USP7: variants seen among roughly 807,000 people sequenced by gnomAD.
USP7 encodes ubiquitin C-terminal hydrolase 7.
USP7 carries 9 observed loss-of-function variants against 162.9 expected under a neutral mutation model. That is an observed-to-expected ratio of 0.06 (90% CI 0.03 to 0.10). The LOEUF is 0.10. USP7 is among the 10% of genes least tolerant of loss of function. The pLI is 1.00. For synonymous variants in USP7, 562 were observed against 475.9 expected (o/e 1.18, Z -2.35); for missense variants, 715 against 1,373.7 (o/e 0.52, Z 7.58).
chr16:8,902,578 T>C lies in USP7; in HGVS notation c.1840-96A>G, dbSNP rs933370571. The stretch of plus-strand genomic sequence containing the variant: ...ATATGTATATACATATACATATATA[T>C]ATATAGTCAATGTTAAGACTGTGAT... On this transcript the variant is annotated intron_variant, in intron 16 of 30. Transcript: ENST00000344836. 1.6e-5 allele frequency: 16 copies of C among 993,194 alleles called. No homozygotes were observed. In the East Asian group the frequency reaches 2.1e-4, roughly 13 times the overall value. The allele number at this position is 993,194 out of a possible 1,614,324, so 61.5% of individuals were successfully genotyped here.
intron 25 of USP7, 37 bp from the exon 26 acceptor site, chr16:8,897,136 A>C (rs1292141811): frequency 6.7e-7 from 1 of 1,496,202 alleles, no homozygotes; most frequent in African/African-American, 1.4e-5. Flanking sequence ...GCTTTCAAGA[A>C]AGCATAAAAG....
At chr16:8,920,524 C>T in intron 4 of USP7, 77 bp from the exon 5 acceptor site, 3 of 1,239,036 alleles carry the variant, frequency 2.4e-6, no homozygotes, top group South Asian at 1.4e-5. Flanking sequence ...TACATTAGTG[C>T]CCTGTACTTA....
intron 1 of USP7, among the ~76,000 whole-genome samples, chr16:8,941,016 CT>C (rs1899021939): frequency 6.6e-6 from 1 of 152,214 alleles, no homozygotes; most frequent in Non-Finnish European, 1.5e-5. Context: ...TCGTCCAGCA[CT>C]CAGGGACTCA....
chr16:8,914,648 G>A (rs748064888), intron 10 of USP7, among the ~76,000 whole-genome samples: 3 of 152,180 alleles, frequency 2.0e-5, no homozygotes, highest in Non-Finnish European at 2.9e-5. Context: ...GGCTGGACAT[G>A]GCAGCTCATG....
intron 12 of USP7, among the ~76,000 whole-genome samples, chr16:8,907,229 A>ATGTC (rs2061874528): frequency 6.6e-6 from 1 of 152,238 alleles, no homozygotes; most frequent in Admixed American, 6.5e-5. Context: ...AATTTAAAAA[A>ATGTC]TGTCTGCCAC....
intron 14 of USP7, 108 bp downstream of exon 14, chr16:8,905,079 T>C: frequency 7.2e-7 from 1 of 1,391,290 alleles, no homozygotes; most frequent in Non-Finnish European, 1.0e-6. Flanking sequence ...GTGAATACAA[T>C]GGAATAAGCA....
intron 1 of USP7, among the ~76,000 whole-genome samples, chr16:8,955,346 G>C (rs1899742697): frequency 6.6e-6 from 1 of 152,210 alleles, no homozygotes; most frequent in Admixed American, 6.5e-5. Flanking sequence ...CAAGGTTCAA[G>C]TGATCCTCCC....
Position 8,920,434 on chromosome 16 carries a change from G to A in USP7, c.536C>T (p.Pro179Leu), listed in dbSNP as rs373931498. The A allele has an allele frequency of 1.9e-6, 3 of 1,612,746 alleles. No individual in the cohort carries two copies. Among genetic ancestry groups the A allele is most frequent in the African/African-American group, 2.7e-5 (2 of 74,846 alleles). The change falls in exon 5 of 31, where the codon CCT (proline) becomes CTT (leucine). Residue 179 changes from proline (P) to leucine (L), a missense_variant. By Grantham distance (98) the Pro-to-Leu change is moderately conservative (BLOSUM62 -3). This residue lies in a region of USP7 where 30 missense variants were observed against 27.6 expected (regional missense o/e 1.09). Transcript: ENST00000344836. ...NFMAWSEVTDPEKGFIDDDKV... is the reference protein window; with the variant it reads ...NFMAWSEVTDLEKGFIDDDKV... Reference sequence around the variant, plus strand: ...GTCATCATCTATAAATCCTTTCTCAGGATCGGTCACTTCCTATAAAACATA... The same window carrying A: ...GTCATCATCTATAAATCCTTTCTCAAGATCGGTCACTTCCTATAAAACATA...
intron 26 of USP7, 143 bp downstream of exon 26, chr16:8,896,856 T>G: frequency 1.4e-6 from 1 of 729,034 alleles, no homozygotes; most frequent in Non-Finnish European, 2.5e-6. Flanking sequence ...GCAACTGTCT[T>G]TGCAATGGAG....
At chr16:8,942,346 A>G (rs529869039) in intron 1 of USP7, among the ~76,000 whole-genome samples, 7 of 152,288 alleles carry the variant, frequency 4.6e-5, no homozygotes, top group Admixed American at 3.3e-4. Context: ...AGCCCTTGCC[A>G]AATATCAAGC....
chr16:8,909,962 C>T (rs1357512068), intron 11 of USP7, among the ~76,000 whole-genome samples: 1 of 152,052 alleles, frequency 6.6e-6, no homozygotes, highest in Admixed American at 6.6e-5. Context: ...TACCTCAGTC[C>T]CTCAGTCCAA....
At chr16:8,950,307 TAA>T (rs951610516) in intron 1 of USP7, among the ~76,000 whole-genome samples, 1 of 150,752 alleles carries the variant, frequency 6.6e-6, no homozygotes, top group Non-Finnish European at 1.5e-5. Context: ...TTTTCTGCTC[TAA>T]AAAAAAAGAT....
Position 8,917,597 on chromosome 16 carries a change from TG to T in USP7, c.721-442del. On this transcript the variant is annotated intron_variant, in intron 6 of 30. Coordinates refer to ENST00000344836, the MANE Select transcript of USP7 (RefSeq NM_003470.3). ...TTTTGCCATTTTGGCCAGACTGGAC[TG>T]AAACTCCTGACCTCAGGGGATCTGC... 2.0e-5 allele frequency among the ~76,000 whole-genome samples: 3 copies of T among 152,310 alleles called. No individual in the cohort carries two copies. In the South Asian group the frequency reaches 6.2e-4, roughly 32 times the overall value.
At chr16:8,904,670 T>C (rs1387424981) in intron 14 of USP7, 105 bp from the exon 15 acceptor site, 2 of 1,503,908 alleles carry the variant, frequency 1.3e-6, no homozygotes, top group Non-Finnish European at 1.8e-6. Context: ...TAGGCCGGCG[T>C]GGTGGCTTAC....
At chr16:8,895,409 AACAGC>A (rs2061666408) in intron 27 of USP7, among the ~76,000 whole-genome samples, 1 of 152,230 alleles carries the variant, frequency 6.6e-6, no homozygotes, top group Non-Finnish European at 1.5e-5. Context: ...TGGAAATGTC[AACAGC>A]TCTAAATTCA....
Position 8,930,265 on chromosome 16 carries a change from T to C in USP7, c.184+28A>G, listed in dbSNP as rs776413469. 5 of 1,575,664 alleles carry C rather than the reference T, an allele frequency of 3.2e-6. No homozygotes were observed. In the East Asian group the frequency reaches 9.0e-5, roughly 28 times the overall value. ...TGTTTTCTGACAAGTTTCCGCCCAC[T>C]GCGAGGCGGTGAACCACAGGCACTT... On this transcript the variant is annotated intron_variant, in intron 2 of 30. Coordinates refer to ENST00000344836, the MANE Select transcript of USP7 (RefSeq NM_003470.3).
chr16:8,937,775 C>T (rs1898832902), intron 1 of USP7, among the ~76,000 whole-genome samples: 1 of 152,012 alleles, frequency 6.6e-6, no homozygotes, highest in Admixed American at 6.5e-5. Context: ...TCAAGGCAGA[C>T]AAAAAAGCAG....
At chr16:8,949,839 G>A (rs1180385794) in intron 1 of USP7, among the ~76,000 whole-genome samples, 1 of 152,164 alleles carries the variant, frequency 6.6e-6, no homozygotes, top group East Asian at 1.9e-4. Flanking sequence ...TATGCCCTAA[G>A]CTGAGCTTGG....
chr16:8,951,066 G>C (rs1899525140), intron 1 of USP7, among the ~76,000 whole-genome samples: 1 of 152,148 alleles, frequency 6.6e-6, no homozygotes, highest in South Asian at 2.1e-4. Context: ...AGAAAACTAA[G>C]ATAAAAAAGC....
Sources: allele counts gnomAD v4.1 joint callset (sites outside exome capture counted in the v4.1 genomes callset), GRCh38; gene constraint gnomAD v4.1.1; regional missense constraint gnomAD v4.1.1; transcripts MANE v1.5; gene names NCBI Gene and HGNC (gene_info 2026-07-23, HGNC 2026-07-21).